MEMO1: variants seen among roughly 807,000 people sequenced by gnomAD.
MEMO1 encodes the protein mediator of cell motility 1.
MEMO1 carries 6 observed loss-of-function variants against 45.2 expected under a neutral mutation model. That is an observed-to-expected ratio of 0.13 (90% CI 0.07 to 0.26). MEMO1 has a LOEUF of 0.26. MEMO1 is among the 10% of genes least tolerant of loss of function. The probability of loss-of-function intolerance (pLI) is 1.00; values close to 1 mark genes in which losing one functional copy is unlikely to be tolerated. For synonymous variants in MEMO1, 78 were observed against 124.3 expected, an observed-to-expected ratio of 0.63 and a Z score of 2.48; for missense variants, 184 against 370.5, an observed-to-expected ratio of 0.50 and a Z score of 4.13.
chr2:31,920,823 C>T lies in MEMO1; in HGVS notation c.300G>A (p.Leu100=). The T allele has an allele frequency of 1.2e-6, 2 of 1,606,058 alleles. No homozygotes were observed. The highest frequency in any genetic ancestry group is 2.2e-5 in the South Asian group (2 of 90,124). ...TCTTTTGGTCAATACGAAGGTCATA[C>T]AGAGGTGTCCTATATATATCCACAC... ...LSSVDIYRTP[L]YDLRIDQKIY... The change falls in exon 5 of 10, where the codon CTG becomes CTA. Residue 100 remains leucine (L), a synonymous_variant. Transcript: ENST00000404530.
In MEMO1 at chr2:31,945,853, T is replaced by C. The variant is rs143574235; in HGVS notation, c.62-2470A>G. Among the ~76,000 whole-genome samples, 675 of 152,324 alleles carry C rather than the reference T, an allele frequency of 4.4e-3. 5 individuals are homozygous for C. Among genetic ancestry groups the C allele is most frequent in the African/African-American group, 7.5e-3 (311 of 41,570 alleles). On this transcript the variant is annotated intron_variant, in intron 2 of 9. Coordinates refer to ENST00000404530, the MANE Select transcript of MEMO1 (RefSeq NM_001301833.4). Reference sequence around the variant, plus strand: ...AAGGTTGCTCCAATTACCAAGTGAATTTAGGACAAACTATGTGTGACAAAT... The same window carrying C: ...AAGGTTGCTCCAATTACCAAGTGAACTTAGGACAAACTATGTGTGACAAAT...
At position 31,947,086 on chromosome 2, in the gene MEMO1, T is replaced by C. The variant is rs574125440; in HGVS notation, c.62-3703A>G. On this transcript the variant is annotated intron_variant, in intron 2 of 9. Coordinates refer to ENST00000404530, the MANE Select transcript of MEMO1 (RefSeq NM_001301833.4). ...AACAACGAAATGGCCTAACCACCAT[T>C]TCTCGAGTGCATCCCTGTGATTAAG... Among the ~76,000 whole-genome samples the C allele has an allele frequency of 2.8e-4, 43 of 152,198 alleles. No homozygotes were observed. The South Asian group carries it at 8.7e-3, about 31-fold the overall frequency.
At chr2:32,007,869 C>T (rs1674299220) in intron 2 of MEMO1, among the ~76,000 whole-genome samples, 1 of 152,096 alleles carries the variant, frequency 6.6e-6, no homozygotes, top group Admixed American at 6.5e-5. Flanking sequence ...TTTTAAAATA[C>T]AAAATAAGCT....
At chr2:31,948,667 A>C (rs886474633) in intron 2 of MEMO1, among the ~76,000 whole-genome samples, 2 of 152,178 alleles carry the variant, frequency 1.3e-5, no homozygotes, top group Non-Finnish European at 2.9e-5. Flanking sequence ...GGGAGGCCAA[A>C]GCGGGTAGAT....
At chr2:31,988,942 C>T (rs1056053714) in intron 2 of MEMO1, among the ~76,000 whole-genome samples, 1 of 151,926 alleles carries the variant, frequency 6.6e-6, no homozygotes, top group African/African-American at 2.4e-5. Flanking sequence ...CATGGTGGCT[C>T]ACGCCTGTAA....
At chr2:31,955,033 G>A (rs1412061376) in intron 2 of MEMO1, among the ~76,000 whole-genome samples, 2 of 151,842 alleles carry the variant, frequency 1.3e-5, no homozygotes, top group African/African-American at 4.8e-5. Context: ...TTGAGCTCAG[G>A]AGTTCAAGAC....
At chr2:31,941,167 C>A (rs190108376) in intron 3 of MEMO1, among the ~76,000 whole-genome samples, 86 of 152,172 alleles carry the variant, frequency 5.7e-4, no homozygotes, top group African/African-American at 1.9e-3. Flanking sequence ...TCTAGCCCTC[C>A]GCTGCCTATC....
At chr2:31,982,155 G>A (rs1216363213) in intron 2 of MEMO1, among the ~76,000 whole-genome samples, 1 of 151,870 alleles carries the variant, frequency 6.6e-6, no homozygotes, top group Non-Finnish European at 1.5e-5. Flanking sequence ...AAATTAGCTG[G>A]GCTTGGTGGT....
rs1259326066 is a variant in MEMO1, at chr2:31,977,288, C to G, written c.61+32899G>C. ...TTTGCTCATTTTCTGTGTAGACAGA[C>G]AGTCAATGGGGAGCCACTGAAGGTT... On this transcript the variant is annotated intron_variant, in intron 2 of 9. Coordinates refer to ENST00000404530, the MANE Select transcript of MEMO1 (RefSeq NM_001301833.4). 2.0e-5 allele frequency among the ~76,000 whole-genome samples: 3 copies of G among 152,124 alleles called. No individual in the cohort carries two copies. The East Asian group carries it at 5.8e-4, about 29-fold the overall frequency.
At chr2:31,883,352 T>C (rs762395555) in intron 8 of MEMO1, 34 bp downstream of exon 8, 2 of 1,392,842 alleles carry the variant, frequency 1.4e-6, no homozygotes, top group East Asian at 4.7e-5. Context: ...GAAAAAGCCT[T>C]AGAGCATTAA....
chr2:31,947,984 G>C (rs1666381494), intron 2 of MEMO1, among the ~76,000 whole-genome samples: 1 of 152,176 alleles, frequency 6.6e-6, no homozygotes, highest in African/African-American at 2.4e-5. Context: ...TTCAAATTTA[G>C]TGAGTATGAA....
At chr2:31,949,642 C>CCA (rs1553372255) in intron 2 of MEMO1, among the ~76,000 whole-genome samples, 2 of 108,972 alleles carry the variant, frequency 1.8e-5, no homozygotes, top group African/African-American at 7.2e-5. Flanking sequence ...TTAATGGGTA[C>CCA]AAAAAAAAAA....
chr2:31,928,435 T>C (rs1683436301), intron 4 of MEMO1, among the ~76,000 whole-genome samples: 1 of 151,460 alleles, frequency 6.6e-6, no homozygotes, highest in South Asian at 2.1e-4. Flanking sequence ...TAATCCCAGC[T>C]ACTTGGGAGG....
chr2:31,985,550 T>G (rs1216045796), intron 2 of MEMO1, among the ~76,000 whole-genome samples: 1 of 152,172 alleles, frequency 6.6e-6, no homozygotes. Flanking sequence ...GGTCGTGAAC[T>G]CCTGACCTCA....
intron 2 of MEMO1, among the ~76,000 whole-genome samples, chr2:31,996,322 C>T (rs565225903): frequency 8.6e-5 from 13 of 151,972 alleles, no homozygotes; most frequent in African/African-American, 1.4e-4. Context: ...CCAAGGCGGG[C>T]GGATCACTTG....
At chr2:31,957,062 A>G (rs767139327) in intron 2 of MEMO1, among the ~76,000 whole-genome samples, 3 of 151,964 alleles carry the variant, frequency 2.0e-5, no homozygotes, top group Non-Finnish European at 4.4e-5. Flanking sequence ...GAATCACTTG[A>G]ACCAGGGAGG....
intron 2 of MEMO1, among the ~76,000 whole-genome samples, chr2:31,973,397 T>A (rs545502827): frequency 1.3e-5 from 2 of 151,690 alleles, no homozygotes; most frequent in Admixed American, 6.6e-5. Context: ...GAGGTTGCAG[T>A]GAGCCAAGAT....
chr2:31,931,113 A>G (rs923075274), intron 4 of MEMO1, among the ~76,000 whole-genome samples: 2 of 152,192 alleles, frequency 1.3e-5, no homozygotes, highest in African/African-American at 4.8e-5. Context: ...ATTTAGAAAT[A>G]TTATTGCTTT....
intron 4 of MEMO1, among the ~76,000 whole-genome samples, 171 bp downstream of exon 4, chr2:31,931,896 A>T (rs2148249950): frequency 6.6e-6 from 1 of 152,316 alleles, no homozygotes; most frequent in South Asian, 2.1e-4. Context: ...AACAAAAAAG[A>T]AGTATTGAAG....
Sources: gnomAD v4.1 joint callset for allele counts (sites outside exome capture counted in the v4.1 genomes callset) on GRCh38, gnomAD v4.1.1 for gene constraint, MANE v1.5 for transcripts, NCBI Gene and HGNC (gene_info 2026-07-23, HGNC 2026-07-21) for gene names.